Variants in PLCB1 observed in about 807,000 individuals in gnomAD.
PLCB1 encodes 1-phosphatidylinositol 4,5-bisphosphate phosphodiesterase beta-1.
A neutral mutation model predicts 161.8 loss-of-function variants in PLCB1; 46 were observed. That is an observed-to-expected ratio of 0.28 (90% CI 0.22 to 0.36). The LOEUF is 0.36. Ranked by LOEUF, PLCB1 falls within the 10% of genes least tolerant of loss-of-function variation. PLCB1 has a pLI of 1.00. For missense variants in PLCB1, 1,016 were observed against 1,472.5 expected (o/e 0.69, Z 5.07); for synonymous variants, 517 against 503.7 (o/e 1.03, Z -0.35).
chr20:8,302,026 G>T (rs1263187732), intron 2 of PLCB1, among the ~76,000 whole-genome samples: 1 of 152,188 alleles, frequency 6.6e-6, no homozygotes, highest in African/African-American at 2.4e-5. Flanking sequence ...TAGGTTTACT[G>T]GGAAGAGTAA....
At chr20:8,441,909 T>A (rs184659031) in intron 3 of PLCB1, among the ~76,000 whole-genome samples, 1 of 152,352 alleles carries the variant, frequency 6.6e-6, no homozygotes, top group Non-Finnish European at 1.5e-5. Flanking sequence ...AGAAGCATTG[T>A]ATCAAGATAA....
chr20:8,743,022 G>T (rs1421977358), intron 23 of PLCB1, among the ~76,000 whole-genome samples: 3 of 152,172 alleles, frequency 2.0e-5, no homozygotes, highest in African/African-American at 7.2e-5. Context: ...ACTTTTTCCA[G>T]TTTGGATGCC....
chr20:8,369,179 T>C (rs77345808), intron 2 of PLCB1, among the ~76,000 whole-genome samples: 3,173 of 152,256 alleles, frequency 0.021, 65 homozygotes, highest in South Asian at 0.087. Context: ...TGCACTATCA[T>C]TTTGCCCAAA....
chr20:8,210,272 G>A (rs1414808306), intron 2 of PLCB1, among the ~76,000 whole-genome samples: 1 of 152,008 alleles, frequency 6.6e-6, no homozygotes, highest in Admixed American at 6.6e-5. Flanking sequence ...TGTACATGCT[G>A]AAAATAATGC....
At chr20:8,626,935 T>C (rs1988366791) in intron 3 of PLCB1, among the ~76,000 whole-genome samples, 3 of 152,192 alleles carry the variant, frequency 2.0e-5, no homozygotes. Context: ...AATGGTAGAG[T>C]GCTAAATGTT....
chr20:8,533,313 G>A (rs6086487), intron 3 of PLCB1, among the ~76,000 whole-genome samples: 43,425 of 149,876 alleles, frequency 0.29, 6,646 homozygotes, highest in Middle Eastern at 0.4. Context: ...GAATAATGCC[G>A]CAATAAACAT....
chr20:8,274,881 G>A (rs1457866066), intron 2 of PLCB1, among the ~76,000 whole-genome samples: 1 of 152,164 alleles, frequency 6.6e-6, no homozygotes, highest in African/African-American at 2.4e-5. Context: ...TCCCTGCGAT[G>A]AGTTATTTGC....
chr20:8,779,024 G>A (rs77733833), intron 27 of PLCB1, among the ~76,000 whole-genome samples: 2,360 of 152,236 alleles, frequency 0.016, 28 homozygotes, highest in Middle Eastern at 0.024. Context: ...TAGACAAACC[G>A]AAGTGTAATT....
chr20:8,447,116 A>C (rs1406662780), intron 3 of PLCB1, among the ~76,000 whole-genome samples: 1 of 152,188 alleles, frequency 6.6e-6, no homozygotes, highest in Non-Finnish European at 1.5e-5. Flanking sequence ...ATGATATTTG[A>C]ACATCATTAA....
intron 31 of PLCB1, among the ~76,000 whole-genome samples, chr20:8,814,586 T>TGC (rs910908732): frequency 2.0e-5 from 3 of 151,246 alleles, no homozygotes; most frequent in African/African-American, 7.3e-5. Flanking sequence ...CATGTGTGTG[T>TGC]GTGTGTGTGT....
At chr20:8,243,500 G>A (rs554453751) in intron 2 of PLCB1, among the ~76,000 whole-genome samples, 28 of 151,966 alleles carry the variant, frequency 1.8e-4, no homozygotes, top group East Asian at 9.7e-4. Flanking sequence ...ATTTTTAGGC[G>A]TCTATAACTC....
intron 3 of PLCB1, among the ~76,000 whole-genome samples, chr20:8,446,917 A>C (rs1394435430): frequency 2.0e-5 from 3 of 152,164 alleles, no homozygotes; most frequent in Non-Finnish European, 4.4e-5. Context: ...CTTGATGCAC[A>C]ATTTGGAAAT....
chr20:8,758,326 A>G (rs1199925182), intron 24 of PLCB1, among the ~76,000 whole-genome samples: 1 of 152,002 alleles, frequency 6.6e-6, no homozygotes. Context: ...CATGCCCGTA[A>G]TCCCAGTACT....
intron 2 of PLCB1, among the ~76,000 whole-genome samples, chr20:8,265,826 A>G (rs914588463): frequency 6.6e-6 from 1 of 152,172 alleles, no homozygotes; most frequent in South Asian, 2.1e-4. Context: ...GTGTTTTGTG[A>G]GTCATTGTTT....
At chr20:8,422,133 A>T (rs1340573187) in intron 3 of PLCB1, among the ~76,000 whole-genome samples, 2 of 152,328 alleles carry the variant, frequency 1.3e-5, no homozygotes, top group East Asian at 3.9e-4. Context: ...GAGTGATGAA[A>T]TTCTAGATTA....
At chr20:8,636,026 C>G (rs1290370887) in intron 4 of PLCB1, among the ~76,000 whole-genome samples, 1 of 152,098 alleles carries the variant, frequency 6.6e-6, no homozygotes, top group Non-Finnish European at 1.5e-5. Context: ...GAATTTCAAA[C>G]AAATTTATGA....
At chr20:8,513,039 T>C (rs1983958263) in intron 3 of PLCB1, among the ~76,000 whole-genome samples, 1 of 152,206 alleles carries the variant, frequency 6.6e-6, no homozygotes, top group Non-Finnish European at 1.5e-5. Context: ...TGAGATCATG[T>C]AATATTTGTC....
intron 2 of PLCB1, among the ~76,000 whole-genome samples, chr20:8,231,006 T>C (rs1258656551): frequency 6.6e-6 from 1 of 152,098 alleles, no homozygotes; most frequent in Non-Finnish European, 1.5e-5. Flanking sequence ...CCACTATTTT[T>C]CCATTCCCTT....
intron 3 of PLCB1, among the ~76,000 whole-genome samples, chr20:8,422,328 G>T (rs1252405392): frequency 2.6e-5 from 4 of 152,134 alleles, no homozygotes; most frequent in South Asian, 4.1e-4. Flanking sequence ...ATGATTATTG[G>T]TTTTTTCTGA....
Sources: allele counts gnomAD v4.1 joint callset (sites outside exome capture counted in the v4.1 genomes callset), GRCh38; gene constraint gnomAD v4.1.1; transcripts MANE v1.5; gene names NCBI Gene and HGNC (gene_info 2026-07-23, HGNC 2026-07-21).